Variants in SAPCD2 observed in about 807,000 individuals in gnomAD.
SAPCD2 encodes suppressor APC domain-containing protein 2.
Under a neutral mutation model 37.8 loss-of-function variants are expected in SAPCD2, and 34 were observed. That is an observed-to-expected ratio of 0.90 (90% CI 0.68 to 1.20). The LOEUF is 1.20. Among genes scored for constraint, SAPCD2 ranks in the 50% most tolerant of loss-of-function variants. The pLI is 0.00. For synonymous variants in SAPCD2, 275 were observed against 270.3 expected (o/e 1.02, Z -0.17); for missense variants, 572 against 584.7 (o/e 0.98, Z 0.22).
In SAPCD2 at chr9:137,069,999, G is replaced by A. The variant is rs1832600860; in HGVS notation, c.462C>T (p.Ala154=). The stretch of plus-strand genomic sequence containing the variant: ...CGCACAGCTGCTCCGGGCTGCGGGC[G>A]GCGGCGCTGGGACCGGCCAGAGGGG... ...VRAPLAGPSA[A]ARSPEQLCAP... The change falls in exon 1 of 6, where the codon GCC becomes GCT. Residue 154 remains alanine, a synonymous_variant. Transcript: ENST00000409687. 4 of 1,218,120 alleles carry A rather than the reference G, an allele frequency of 3.3e-6. No homozygotes were observed. The highest frequency in any genetic ancestry group is 1.6e-5 in the African/African-American group (1 of 63,498). 75.5% of individuals were successfully genotyped at this position (1,218,120 alleles called of 1,614,324 possible).
rs762068066 is a variant in SAPCD2, at chr9:137,069,947, C to T, written c.514G>A (p.Ala172Thr). 4 of 1,260,452 alleles carry T rather than the reference C, an allele frequency of 3.2e-6. No individual in the cohort carries two copies. Among genetic ancestry groups the T allele is most frequent in the Non-Finnish European group, 4.0e-6 (4 of 1,003,882 alleles). 78.1% of individuals were successfully genotyped at this position (1,260,452 alleles called of 1,614,324 possible). The change falls in exon 1 of 6, where the codon GCG (alanine) becomes ACG (threonine). Residue 172 changes from alanine to threonine, a missense_variant. Physicochemically the swap from Ala to Thr is moderately conservative, Grantham distance 58 (BLOSUM62 0). Coordinates refer to ENST00000409687, the MANE Select transcript of SAPCD2 (RefSeq NM_178448.4). Reference sequence around the variant, plus strand: ...GCGCTCTGGGACCGCTCGGGCTCCGCGGGGCAGGGCGCCGCCTCAGCCGGG... The same window carrying T: ...GCGCTCTGGGACCGCTCGGGCTCCGTGGGGCAGGGCGCCGCCTCAGCCGGG... ...CAPAEAAPCP[A>T]EPERSQSAAL... is the part of the protein sequence containing the mutation.
chr9:137,067,011 T>G (rs34552271), intron 1 of SAPCD2, among the ~76,000 whole-genome samples: 16,165 of 151,938 alleles, frequency 0.11, 1,093 homozygotes, highest in African/African-American at 0.18. Flanking sequence ...TCTTGAGACG[T>G]TGTTTTGTTC....
intron 1 of SAPCD2, among the ~76,000 whole-genome samples, chr9:137,067,774 CAAAAAAAAAAAAAA>C (rs36035728): frequency 6.7e-5 from 3 of 44,644 alleles, no homozygotes; most frequent in South Asian, 2.9e-3. Context: ...GACTCCATCT[CAAAAAAAAAAAAAA>C]AAAAAAAAAA....
chr9:137,070,271 G>C lies in SAPCD2; in HGVS notation c.190C>G (p.Leu64Val), dbSNP rs758028695. 1 of 1,455,222 alleles carries C rather than the reference G, an allele frequency of 6.9e-7. No homozygotes were observed. The highest frequency in any genetic ancestry group is 1.3e-5 in the South Asian group (1 of 76,484). The allele number at this position is 1,455,222 out of a possible 1,614,324, so 90.1% of individuals were successfully genotyped here. ...SRWQGTDARE[L>V]PRGVLEGLRQ... ...AAGCCCTCCAGCACCCCGCGGGGCAGCTCCCGCGCGTCGGTGCCCTGCCAG... is the reference window on the plus strand; with the variant it reads ...AAGCCCTCCAGCACCCCGCGGGGCACCTCCCGCGCGTCGGTGCCCTGCCAG... Residue 64 changes from leucine (L) to valine (V), a missense_variant, in exon 1 of 6, where the codon CTG (leucine) becomes GTG (valine). Leu to Val is a conservative substitution (Grantham distance 32, BLOSUM62 1). Coordinates refer to ENST00000409687, the MANE Select transcript of SAPCD2 (RefSeq NM_178448.4).
Position 137,064,779 on chromosome 9 carries a change from G to T in SAPCD2, c.1065C>A (p.Thr355=). ...GCTGCGTGATGCGCTCACTCTTCTCGGTCACCTCCTGGGCAGGTGCACAGT... is the reference window on the plus strand; with the variant it reads ...GCTGCGTGATGCGCTCACTCTTCTCTGTCACCTCCTGGGCAGGTGCACAGT... ...EQNRLLTQEV[T]EKSERITQLE... Residue 355 remains threonine (T), a synonymous_variant, in exon 6 of 6, where the codon ACC becomes ACA. Transcript: ENST00000409687. 1 of 1,594,474 alleles carries T rather than the reference G, an allele frequency of 6.3e-7. No individual in the cohort carries two copies. Among genetic ancestry groups the T allele is most frequent in the East Asian group, 2.3e-5 (1 of 43,824 alleles).
At chr9:137,067,774 CAAAAAAAAAAAAAAA>C (rs36035728) in intron 1 of SAPCD2, among the ~76,000 whole-genome samples, 23 of 44,646 alleles carry the variant, frequency 5.2e-4, no homozygotes, top group Non-Finnish European at 4.2e-4. Flanking sequence ...GACTCCATCT[CAAAAAAAAAAAAAAA>C]AAAAAAAAAA....
At chr9:137,066,030 G>A (rs1235938429) in intron 2 of SAPCD2, among the ~76,000 whole-genome samples, 1 of 152,188 alleles carries the variant, frequency 6.6e-6, no homozygotes, top group Admixed American at 6.5e-5. Flanking sequence ...CAGCAACCTC[G>A]TGAGGCGGGC....
intron 1 of SAPCD2, 39 bp downstream of exon 1, chr9:137,069,851 G>A: frequency 2.5e-6 from 3 of 1,219,112 alleles, no homozygotes; most frequent in Non-Finnish European, 3.1e-6. Context: ...CCGGGCCCGG[G>A]AGAGCTACGA....
chr9:137,070,018 AG>A lies in SAPCD2; in HGVS notation c.442del (p.Leu148TrpfsTer82). ...GCGGGCGGCGGCGCTGGGACCGGCC[AG>A]AGGGGCGCGCACGCCCAGGGGCAGG... ...KPLPLGVRAPLAGPSAAARSP... is the reference protein window; with the variant it reads ...KPLPLGVRAPXAGPSAAARSP... On this transcript the variant is annotated frameshift_variant, in exon 1 of 6. Transcript: ENST00000409687. LOFTEE classifies it high-confidence loss of function. 8.3e-7 allele frequency: 1 copy of A among 1,206,950 alleles called. No individual in the cohort carries two copies. Among genetic ancestry groups the A allele is most frequent in the Non-Finnish European group, 1.0e-6 (1 of 972,072 alleles). 74.8% of individuals were successfully genotyped at this position (1,206,950 alleles called of 1,614,324 possible). A position where few individuals can be genotyped will look rare whatever the true frequency, so the allele number is the denominator to read the frequency against.
In SAPCD2 at chr9:137,064,395, G is replaced by T; in HGVS notation, c.*264C>A. 1.8e-6 allele frequency: 1 copy of T among 551,156 alleles called. No homozygotes were observed. The highest frequency in any genetic ancestry group is 3.3e-6 in the Non-Finnish European group (1 of 306,046). The allele number at this position is 551,156 out of a possible 1,614,324, so 34.1% of individuals were successfully genotyped here. On this transcript the variant is annotated 3_prime_UTR_variant, in exon 6 of 6. Coordinates refer to ENST00000409687, the MANE Select transcript of SAPCD2 (RefSeq NM_178448.4). ...CCACTGTCCACTGACAGCGGCAGTA[G>T]TAGCTGCGGACTATGCGGACTCAAG...
At position 137,064,390 on chromosome 9, in the gene SAPCD2, C is replaced by T. The variant is rs1233006219; in HGVS notation, c.*269G>A. ...GTACCCCACTGTCCACTGACAGCGG[C>T]AGTAGTAGCTGCGGACTATGCGGAC... On this transcript the variant is annotated 3_prime_UTR_variant, in exon 6 of 6. Transcript: ENST00000409687. The T allele has an allele frequency of 2.0e-5, 11 of 542,816 alleles. No individual in the cohort carries two copies. The highest frequency in any genetic ancestry group is 3.3e-5 in the Non-Finnish European group (10 of 301,126). The allele number at this position is 542,816 out of a possible 1,614,324, so 33.6% of individuals were successfully genotyped here.
Position 137,069,946 on chromosome 9 carries a change from G to T in SAPCD2, c.515C>A (p.Ala172Glu). The T allele has an allele frequency of 7.9e-7, 1 of 1,260,874 alleles. No homozygotes were observed. Among genetic ancestry groups the T allele is most frequent in the South Asian group, 2.9e-5 (1 of 34,660 alleles). The allele number at this position is 1,260,874 out of a possible 1,614,324, so 78.1% of individuals were successfully genotyped here. A position where few individuals can be genotyped will look rare whatever the true frequency, so the allele number is the denominator to read the frequency against. ...CGCGCTCTGGGACCGCTCGGGCTCC[G>T]CGGGGCAGGGCGCCGCCTCAGCCGG... ...CAPAEAAPCP[A>E]EPERSQSAAL... Residue 172 changes from alanine to glutamate, a missense_variant, in exon 1 of 6, where the codon GCG (alanine) becomes GAG (glutamate). Physicochemically the swap from Ala to Glu is moderately radical, Grantham distance 107 (BLOSUM62 -1). Coordinates refer to ENST00000409687, the MANE Select transcript of SAPCD2 (RefSeq NM_178448.4).
At position 137,062,808 on chromosome 9, in the gene SAPCD2, ATTTC is replaced by A. The variant is rs1251396770; in HGVS notation, c.*1847_*1850del. ...TTCAAGCTGTAAACTGGGAGGACCT[ATTTC>A]TTTTCACCTTGCACGGAACACCAAG... On this transcript the variant is annotated 3_prime_UTR_variant, in exon 6 of 6. Coordinates refer to ENST00000409687, the MANE Select transcript of SAPCD2 (RefSeq NM_178448.4). 6.6e-6 allele frequency: 1 copy of A among 152,178 alleles called. No individual in the cohort carries two copies. The highest frequency in any genetic ancestry group is 1.5e-5 in the Non-Finnish European group (1 of 68,042). 9.4% of individuals were successfully genotyped at this position (152,178 alleles called of 1,614,324 possible).
chr9:137,070,171 C>A lies in SAPCD2; in HGVS notation c.290G>T (p.Ser97Ile). 1 of 1,252,256 alleles carries A rather than the reference C, an allele frequency of 8.0e-7. No individual in the cohort carries two copies. Among genetic ancestry groups the A allele is most frequent in the Non-Finnish European group, 1.0e-6 (1 of 997,446 alleles). 77.6% of individuals were successfully genotyped at this position (1,252,256 alleles called of 1,614,324 possible). The change falls in exon 1 of 6, where the codon AGC (serine) becomes ATC (isoleucine). Residue 97 changes from serine (S) to isoleucine (I), a missense_variant. Physicochemically the swap from Ser to Ile is moderately radical, Grantham distance 142. Coordinates refer to ENST00000409687, the MANE Select transcript of SAPCD2 (RefSeq NM_178448.4). ...GGGGTCCCGGGGGCCGCCGTCGGCG[C>A]TCAGCAGGGAGGTGCGCAGGCCGGC... is the stretch of plus-strand genomic sequence containing the variant. ...FVAGLRTSLL[S>I]ADGGPRDPTR...
In SAPCD2 at chr9:137,064,592, A is replaced by C. The variant is rs972950474; in HGVS notation, c.*67T>G. The stretch of plus-strand genomic sequence containing the variant: ...TCTCCAGCCAGAGAGGGTGGGTGCG[A>C]TGGGGCGCCCACCCTCGAAGGGCTG... On this transcript the variant is annotated 3_prime_UTR_variant, in exon 6 of 6. Coordinates refer to ENST00000409687, the MANE Select transcript of SAPCD2 (RefSeq NM_178448.4). 8 of 1,528,158 alleles carry C rather than the reference A, an allele frequency of 5.2e-6. No homozygotes were observed. The highest frequency in any genetic ancestry group is 7.1e-6 in the Non-Finnish European group (8 of 1,128,114). 94.7% of individuals were successfully genotyped at this position (1,528,158 alleles called of 1,614,324 possible). A position where few individuals can be genotyped will look rare whatever the true frequency, so the allele number is the denominator to read the frequency against.
At chr9:137,066,151 G>T in intron 2 of SAPCD2, 111 bp downstream of exon 2, 1 of 842,766 alleles carries the variant, frequency 1.2e-6, no homozygotes, top group Non-Finnish European at 1.9e-6. Context: ...GTCCAGAGCT[G>T]ACTGTACTTC....
At position 137,070,481 on chromosome 9, in the gene SAPCD2, C is replaced by T. The variant is rs1309507006; in HGVS notation, c.-21G>A. On this transcript the variant is annotated 5_prime_UTR_variant, in exon 1 of 6. Coordinates refer to ENST00000409687, the MANE Select transcript of SAPCD2 (RefSeq NM_178448.4). The stretch of plus-strand genomic sequence containing the variant: ...GCCATGGGCGCCCGGGATCGGTCCC[C>T]TCGTCCACCCGCGTGCGTCCCAGCG... 4 of 1,209,934 alleles carry T rather than the reference C, an allele frequency of 3.3e-6. No homozygotes were observed. The highest frequency in any genetic ancestry group is 3.1e-6 in the Non-Finnish European group (3 of 973,444). The allele number at this position is 1,209,934 out of a possible 1,614,324, so 74.9% of individuals were successfully genotyped here.
intron 2 of SAPCD2, among the ~76,000 whole-genome samples, 194 bp downstream of exon 2, chr9:137,066,068 G>A (rs1207891330): frequency 2.0e-5 from 3 of 152,298 alleles, no homozygotes; most frequent in African/African-American, 4.8e-5. Context: ...TGCCCTAAAC[G>A]ACCTCTTGAC....
At position 137,066,273 on chromosome 9, in the gene SAPCD2, C is replaced by A; in HGVS notation, c.673G>T (p.Asp225Tyr). The change falls in exon 2 of 6, where the codon GAC becomes TAC. Residue 225 changes from aspartate (D) to tyrosine (Y), a missense_variant. By Grantham distance (160) the Asp-to-Tyr change is radical. Transcript: ENST00000409687. The stretch of plus-strand genomic sequence containing the variant: ...CAGTCCCTGCTCACCAGGCCGCAGT[C>A]CACGCCGCTGGCGATGGTGTGCCTC... ...RRRHTIASGV[D>Y]CGLLKQMKEL... The A allele has an allele frequency of 6.2e-7, 1 of 1,604,582 alleles. No homozygotes were observed. Among genetic ancestry groups the A allele is most frequent in the Non-Finnish European group, 8.5e-7 (1 of 1,177,296 alleles).
Sources: allele counts gnomAD v4.1 joint callset (sites outside exome capture counted in the v4.1 genomes callset), GRCh38; gene constraint gnomAD v4.1.1; transcripts MANE v1.5; gene names NCBI Gene and HGNC (gene_info 2026-07-23, HGNC 2026-07-21).